The following FOXN4 variants were observed in gnomAD, a reference collection of about 807,000 sequenced individuals.
The protein encoded by FOXN4 is forkhead box N4.
FOXN4 carries 12 observed loss-of-function variants against 45.0 expected under a neutral mutation model. The ratio of observed to expected loss-of-function variants is 0.27; its 90% CI spans 0.17 to 0.43. FOXN4 has a LOEUF of 0.43. Ranked by LOEUF, FOXN4 falls within the 20% of genes least tolerant of loss-of-function variation. FOXN4 has a pLI of 1.00. For synonymous variants in FOXN4, 297 were observed against 295.0 expected (o/e 1.01, Z -0.07); for missense variants, 560 against 694.9 (o/e 0.81, Z 2.18).
At chr12:109,304,165 T>C (rs1308040653) in intron 2 of FOXN4, among the ~76,000 whole-genome samples, 1 of 135,458 alleles carries the variant, frequency 7.4e-6, no homozygotes, top group Non-Finnish European at 1.5e-5. Context: ...CACTCCAGCC[T>C]GGACGATAGA....
At chr12:109,305,177 A>G (rs2047910131) in intron 2 of FOXN4, among the ~76,000 whole-genome samples, 1 of 152,214 alleles carries the variant, frequency 6.6e-6, no homozygotes, top group Non-Finnish European at 1.5e-5. Flanking sequence ...CACTGTACCC[A>G]TGATGAGCTG....
rs1049576693 is a variant in FOXN4 at position 109,278,215 on chromosome 12, C to T, written c.*1456G>A. The T allele has an allele frequency of 5.9e-5, 9 of 152,216 alleles. No homozygotes were observed. The highest frequency in any genetic ancestry group is 1.9e-4 in the East Asian group (1 of 5,192). 9.4% of individuals were successfully genotyped at this position (152,216 alleles called of 1,614,324 possible). A position where few individuals can be genotyped will look rare whatever the true frequency, so the allele number is the denominator to read the frequency against. Reference sequence around the variant, plus strand: ...AAAACTTAAAGCTCGCCCTTCAAGGCGGGGCTTAATGCCAAAACTCCCAGG... The same window carrying T: ...AAAACTTAAAGCTCGCCCTTCAAGGTGGGGCTTAATGCCAAAACTCCCAGG... On this transcript the variant is annotated 3_prime_UTR_variant, in exon 10 of 10. Transcript: ENST00000299162.
chr12:109,280,654 A>C (rs1389073605), intron 9 of FOXN4, among the ~76,000 whole-genome samples: 1 of 152,122 alleles, frequency 6.6e-6, no homozygotes, highest in African/African-American at 2.4e-5. Context: ...AAATATACCC[A>C]CTTCACAGCT....
At chr12:109,286,479 CTCTT>C (rs1296518677) in intron 7 of FOXN4, among the ~76,000 whole-genome samples, 165 bp downstream of exon 7, 1 of 152,196 alleles carries the variant, frequency 6.6e-6, no homozygotes, top group African/African-American at 2.4e-5. Context: ...ATGCCCCCCT[CTCTT>C]TCTGACTTTC....
In FOXN4 at chr12:109,285,385, G is replaced by A. The variant is rs753454851; in HGVS notation, c.820C>T (p.Arg274Cys). The stretch of plus-strand genomic sequence containing the variant: ...ATCTCCTCCTCCATCTTGTCGATGC[G>A]GGCCAGGTTCAGAGCCCACAGGCAG... ...KGCLWALNLA[R>C]IDKMEEEMHK... The change falls in exon 8 of 10, where the codon CGC (arginine) becomes TGC (cysteine). Residue 274 changes from arginine to cysteine, a missense_variant. By Grantham distance (180) the Arg-to-Cys change is radical (BLOSUM62 -3). Around this residue, in one of 5 missense-constraint regions of FOXN4, gnomAD observed 315 missense variants for 350.5 expected, o/e 0.90. Transcript: ENST00000299162. 1.1e-5 allele frequency: 18 copies of A among 1,613,830 alleles called. No homozygotes were observed. The highest frequency in any genetic ancestry group is 1.5e-5 in the Non-Finnish European group (18 of 1,179,900).
Position 109,287,162 on chromosome 12 carries a change from TATGA to T in FOXN4, c.596+231_596+234del, listed in dbSNP as rs1278014708. ...CCCACTTCCCCAAGGCCACGTGGCTTATGAATGAAGTGAACTGTGGCACTGGACT... is the reference window on the plus strand; with the variant it reads ...CCCACTTCCCCAAGGCCACGTGGCTTATGAAGTGAACTGTGGCACTGGACT... On this transcript the variant is annotated intron_variant, in intron 6 of 9. Coordinates refer to ENST00000299162, the MANE Select transcript of FOXN4 (RefSeq NM_213596.3). This position sits in a 1 kb window ranked among gnomAD's most constrained non-coding sequence, Gnocchi z 4.1. Among the ~76,000 whole-genome samples, 1 of 152,094 alleles carries T rather than the reference TATGA, an allele frequency of 6.6e-6. No homozygotes were observed. Among genetic ancestry groups the T allele is most frequent in the Non-Finnish European group, 1.5e-5 (1 of 67,998 alleles).
At chr12:109,304,223 GAA>G (rs1212996646) in intron 2 of FOXN4, among the ~76,000 whole-genome samples, 102 of 12,888 alleles carry the variant, frequency 7.9e-3, no homozygotes, top group African/African-American at 0.028. Flanking sequence ...AAAAGAAAGA[GAA>G]AGAAAGAAAG....
At chr12:109,302,940 A>G (rs1593787695) in intron 2 of FOXN4, among the ~76,000 whole-genome samples, 1 of 152,222 alleles carries the variant, frequency 6.6e-6, no homozygotes, top group African/African-American at 2.4e-5. Context: ...TTATTTAGCT[A>G]ACACATCTTT....
rs141906863 is a variant in FOXN4, at chr12:109,288,042, G to T, written c.357+14C>A. 2.3e-4 allele frequency: 356 copies of T among 1,550,454 alleles called. 1 individual carries two copies. The East Asian group carries it at 8.0e-3, about 35-fold the overall frequency. On this transcript the variant is annotated intron_variant, in intron 4 of 9. Coordinates refer to ENST00000299162, the MANE Select transcript of FOXN4 (RefSeq NM_213596.3). This position sits in a 1 kb window ranked among gnomAD's most constrained non-coding sequence, Gnocchi z 4.3. ...GCACTACCCGCCCTCCGCAGTCCAT[G>T]CAGTGCCACTTACGCTGTCTCTGTG... is the stretch of plus-strand genomic sequence containing the variant.
chr12:109,285,247 GT>G, intron 8 of FOXN4, 56 bp downstream of exon 8: 2 of 1,210,626 alleles, frequency 1.7e-6, no homozygotes, highest in Non-Finnish European at 2.2e-6. Context: ...CCTCTTCCGT[GT>G]GTGTGTGTGT....
Position 109,291,955 on chromosome 12 carries a change from C to T in FOXN4, c.87-1669G>A, listed in dbSNP as rs1263213504. ...ACCCCTCCGGCCGCCACCCCTCCGG[C>T]TGCCACCCCTCCGGCCTGCTCGTAA... On this transcript the variant is annotated intron_variant, in intron 2 of 9. Coordinates refer to ENST00000299162, the MANE Select transcript of FOXN4 (RefSeq NM_213596.3). The surrounding 1 kb of genome is among the most constrained non-coding windows in gnomAD (Gnocchi z 6.6). 6.6e-6 allele frequency among the ~76,000 whole-genome samples: 1 copy of T among 150,738 alleles called. No individual in the cohort carries two copies. Among genetic ancestry groups the T allele is most frequent in the Non-Finnish European group, 1.5e-5 (1 of 67,914 alleles).
In FOXN4 at chr12:109,287,961, G is replaced by A; in HGVS notation, c.358-7C>T. On this transcript the variant is annotated splice_region_variant and splice_polypyrimidine_tract_variant and intron_variant, in intron 4 of 9. Transcript: ENST00000299162. The surrounding 1 kb of genome is among the most constrained non-coding windows in gnomAD (Gnocchi z 4.1). ...CCACGGGGAACTGGCTCATCTGCTG[G>A]GCAGGAAGAGGAGGAGACAGAGGGT... 6.5e-7 allele frequency: 1 copy of A among 1,549,856 alleles called. No homozygotes were observed. Among genetic ancestry groups the A allele is most frequent in the Non-Finnish European group, 8.7e-7 (1 of 1,146,900 alleles).
At position 109,287,978 on chromosome 12, in the gene FOXN4, A is replaced by G; in HGVS notation, c.358-24T>C. ...ATCTGCTGGGCAGGAAGAGGAGGAGACAGAGGGTCACGGTGGGGGTAGACA... is the reference window on the plus strand; with the variant it reads ...ATCTGCTGGGCAGGAAGAGGAGGAGGCAGAGGGTCACGGTGGGGGTAGACA... On this transcript the variant is annotated intron_variant, in intron 4 of 9. Coordinates refer to ENST00000299162, the MANE Select transcript of FOXN4 (RefSeq NM_213596.3). The surrounding 1 kb of genome is among the most constrained non-coding windows in gnomAD (Gnocchi z 4.1). 1 of 1,549,368 alleles carries G rather than the reference A, an allele frequency of 6.5e-7. No homozygotes were observed.
At position 109,279,078 on chromosome 12, in the gene FOXN4, G is replaced by A. The variant is rs913134600; in HGVS notation, c.*593C>T. 2.6e-5 allele frequency: 4 copies of A among 155,592 alleles called. No individual in the cohort carries two copies. Among genetic ancestry groups the A allele is most frequent in the African/African-American group, 7.2e-5 (3 of 41,464 alleles). 9.6% of individuals were successfully genotyped at this position (155,592 alleles called of 1,614,324 possible). ...GCTAATAAAATTCTAACAGACTATC[G>A]GAAAGGTGGGGCTGAAGGCCACCTG... On this transcript the variant is annotated 3_prime_UTR_variant, in exon 10 of 10. Transcript: ENST00000299162.
chr12:109,306,236 G>C (rs953697145), intron 2 of FOXN4, among the ~76,000 whole-genome samples: 1 of 152,118 alleles, frequency 6.6e-6, no homozygotes, highest in African/African-American at 2.4e-5. Context: ...TGTGTTTCTT[G>C]CTCTACAAGC....
At chr12:109,299,132 G>A (rs1008062458) in intron 2 of FOXN4, among the ~76,000 whole-genome samples, 1 of 151,994 alleles carries the variant, frequency 6.6e-6, no homozygotes, top group Non-Finnish European at 1.5e-5. Context: ...AGTCCTCATT[G>A]GTGAGCAGAG....
Position 109,285,953 on chromosome 12 carries a change from C to T in FOXN4, c.694-442G>A, listed in dbSNP as rs534749101. Among the ~76,000 whole-genome samples the T allele has an allele frequency of 8.6e-5, 13 of 150,994 alleles. No individual in the cohort carries two copies. The South Asian group carries it at 2.7e-3, about 32-fold the overall frequency. ...TGATCACGGCTCACTGCAACCTCAA[C>T]CTCCTGGGATCAAACAGTCTTCCCA... On this transcript the variant is annotated intron_variant, in intron 7 of 9. Transcript: ENST00000299162.
chr12:109,287,701 G>C lies in FOXN4; in HGVS notation c.468+143C>G. 2 of 1,119,026 alleles carry C rather than the reference G, an allele frequency of 1.8e-6. No homozygotes were observed. 69.3% of individuals were successfully genotyped at this position (1,119,026 alleles called of 1,614,324 possible). ...TCAGGGCAGGAGTTTTGGGGGAACGGAATGAATGACCCCATGACATGAGCA... is the reference window on the plus strand; with the variant it reads ...TCAGGGCAGGAGTTTTGGGGGAACGCAATGAATGACCCCATGACATGAGCA... On this transcript the variant is annotated intron_variant, in intron 5 of 9. Coordinates refer to ENST00000299162, the MANE Select transcript of FOXN4 (RefSeq NM_213596.3). The surrounding 1 kb of genome is among the most constrained non-coding windows in gnomAD (Gnocchi z 4.1).
intron 2 of FOXN4, among the ~76,000 whole-genome samples, chr12:109,299,370 G>A (rs184423207): frequency 2.2e-4 from 33 of 151,922 alleles, no homozygotes; most frequent in Admixed American, 1.0e-3. Flanking sequence ...GCACACACAC[G>A]TGCACACACA....
Sources: allele counts gnomAD v4.1 joint callset (sites outside exome capture counted in the v4.1 genomes callset), GRCh38; gene constraint gnomAD v4.1.1; regional missense constraint gnomAD v4.1.1; non-coding constraint Gnocchi (gnomAD v3.1); transcripts MANE v1.5; gene names NCBI Gene and HGNC (gene_info 2026-07-23, HGNC 2026-07-21).